Variants in PLOD2 observed in about 807,000 individuals in gnomAD.
PLOD2 encodes the protein lysine hydroxylase 2.
In PLOD2, 65 loss-of-function variants were observed where a neutral mutation model predicts 101.0. The ratio of observed to expected loss-of-function variants is 0.64; its 90% CI spans 0.53 to 0.79. The LOEUF (loss-of-function observed/expected upper bound fraction) is 0.79. Ranked by LOEUF, PLOD2 falls within the 30% of genes least tolerant of loss-of-function variation. The pLI, the probability that PLOD2 is intolerant of heterozygous loss-of-function variation, is 0.00. For missense variants in PLOD2, 909 were observed against 914.6 expected (o/e 0.99, Z 0.08); for synonymous variants, 314 against 302.9 (o/e 1.04, Z -0.38).
intron 12 of PLOD2, among the ~76,000 whole-genome samples, chr3:146,080,515 C>A (rs1423964762): frequency 6.6e-6 from 1 of 151,132 alleles, no homozygotes; most frequent in Non-Finnish European, 1.5e-5. Flanking sequence ...AACTTATACA[C>A]ACACACATAC....
intron 4 of PLOD2, among the ~76,000 whole-genome samples, chr3:146,107,418 G>T (rs1381398513): frequency 6.6e-6 from 1 of 152,128 alleles, no homozygotes; most frequent in South Asian, 2.1e-4. Context: ...ATGTTTCATT[G>T]ACATTCAATA....
rs1228044258 is a variant in PLOD2 at position 146,081,860 on chromosome 3, C to T, written c.1236G>A (p.Lys412=). Residue 412 remains lysine, a synonymous_variant, in exon 12 of 20, where the codon AAG becomes AAA. Transcript: ENST00000282903. ...TLKILIEQNR[K]IIAPLVTRHG... is the part of the protein sequence containing the mutation. ...GACGAGTTACAAGAGGAGCAATGATCTTTCTAAAGACAGAGAGAGTGTGTG... is the reference window on the plus strand; with the variant it reads ...GACGAGTTACAAGAGGAGCAATGATTTTTCTAAAGACAGAGAGAGTGTGTG... 1 of 1,612,244 alleles carries T rather than the reference C, an allele frequency of 6.2e-7. No homozygotes were observed. Among genetic ancestry groups the T allele is most frequent in the African/African-American group, 1.3e-5 (1 of 74,990 alleles).
intron 1 of PLOD2, among the ~76,000 whole-genome samples, chr3:146,159,301 G>C (rs1319989507): frequency 6.6e-6 from 1 of 152,168 alleles, no homozygotes; most frequent in Non-Finnish European, 1.5e-5. Flanking sequence ...TCCATTAAAA[G>C]TTTACTGTCC....
intron 3 of PLOD2, among the ~76,000 whole-genome samples, chr3:146,118,323 T>C (rs1051904047): frequency 5.3e-5 from 8 of 152,302 alleles, no homozygotes; most frequent in African/African-American, 1.7e-4. Flanking sequence ...TAATATTTTG[T>C]GTAAAATATA....
In PLOD2 at chr3:146,070,806, T is replaced by TG; in HGVS notation, c.2187dup (p.Met730HisfsTer11). 6.2e-7 allele frequency: 1 copy of TG among 1,610,372 alleles called. No individual in the cohort carries two copies. Among genetic ancestry groups the TG allele is most frequent in the Non-Finnish European group, 8.5e-7 (1 of 1,177,322 alleles). On this transcript the variant is annotated frameshift_variant, in exon 20 of 20. Coordinates refer to ENST00000282903, the MANE Select transcript of PLOD2 (RefSeq NM_182943.3). LOFTEE classifies it high-confidence loss of function. ...AAATGTGTGAGTCTCCCAGGATGCA[T>TG]GAAGCTCCAGCCTTTTCGTGGTGAC...
At chr3:146,106,697 G>T in intron 4 of PLOD2, 53 bp from the exon 5 acceptor site, 1 of 867,492 alleles carries the variant, frequency 1.2e-6, no homozygotes, top group Non-Finnish European at 2.0e-6. Flanking sequence ...GACCAAAACT[G>T]GTGTCATGTT....
At chr3:146,124,267 G>A in intron 1 of PLOD2, 38 bp from the exon 2 acceptor site, 1 of 1,102,768 alleles carries the variant, frequency 9.1e-7, no homozygotes, top group Non-Finnish European at 1.4e-6. Context: ...GGTTTACCAA[G>A]ATATCAAATG....
intron 5 of PLOD2, among the ~76,000 whole-genome samples, chr3:146,104,635 A>G (rs562650047): frequency 1.8e-4 from 28 of 152,302 alleles, no homozygotes; most frequent in African/African-American, 5.8e-4. Context: ...AATTTATTAA[A>G]TATCAACTTA....
At chr3:146,084,494 T>G (rs982110120) in intron 11 of PLOD2, among the ~76,000 whole-genome samples, 1 of 152,150 alleles carries the variant, frequency 6.6e-6, no homozygotes, top group African/African-American at 2.4e-5. Flanking sequence ...ATTCTATTTA[T>G]TATGAGAAAT....
intron 12 of PLOD2, 149 bp from the exon 13 acceptor site, chr3:146,079,406 A>G: frequency 1.6e-6 from 1 of 643,080 alleles, no homozygotes; most frequent in Non-Finnish European, 2.7e-6. Context: ...TGATATATAT[A>G]TAAGATTACA....
intron 8 of PLOD2, 129 bp downstream of exon 8, chr3:146,091,671 C>A (rs892032387): frequency 2.5e-5 from 16 of 651,960 alleles, no homozygotes; most frequent in Admixed American, 6.7e-5. Flanking sequence ...CATGTTTTAA[C>A]ACTATATCCC....
In PLOD2 at chr3:146,096,880, T is replaced by G. The variant is rs76612526; in HGVS notation, c.778-4979A>C. 2.9e-3 allele frequency among the ~76,000 whole-genome samples: 183 copies of G among 63,506 alleles called. 2 individuals carry two copies. The highest frequency in any genetic ancestry group is 0.025 in the Middle Eastern group (1 of 40). The allele number at this position is 63,506 out of a possible 152,430, so 41.7% of individuals were successfully genotyped here. A position where few individuals can be genotyped will look rare whatever the true frequency, so the allele number is the denominator to read the frequency against. ...CCAGCTGCCCCGTCCGGGAGGGAGG[T>G]GGGGGGGGGGAGTCGGCCAGCCGCC... On this transcript the variant is annotated intron_variant, in intron 7 of 19. Transcript: ENST00000282903.
rs1471102165 is a variant in PLOD2, at chr3:146,088,495, C to A, written c.1005+91G>T. 9 of 918,066 alleles carry A rather than the reference C, an allele frequency of 9.8e-6. 1 individual carries two copies. Among genetic ancestry groups the A allele is most frequent in the South Asian group, 7.4e-5 (5 of 67,400 alleles). The allele number at this position is 918,066 out of a possible 1,614,324, so 56.9% of individuals were successfully genotyped here. On this transcript the variant is annotated intron_variant, in intron 9 of 19. Coordinates refer to ENST00000282903, the MANE Select transcript of PLOD2 (RefSeq NM_182943.3). ...CCAAAAATCCTCCACTGAACTTAAC[C>A]CAATGAATTTTATTTGACATAAATA...
At chr3:146,100,234 C>T (rs1196339196) in intron 7 of PLOD2, among the ~76,000 whole-genome samples, 1 of 152,130 alleles carries the variant, frequency 6.6e-6, no homozygotes, top group Non-Finnish European at 1.5e-5. Context: ...ATCTGCCTTA[C>T]TACTCCCAAG....
At chr3:146,152,222 C>G (rs149350614) in intron 1 of PLOD2, among the ~76,000 whole-genome samples, 1,691 of 152,114 alleles carry the variant, frequency 0.011, 36 homozygotes, top group African/African-American at 0.039. Context: ...AGTTTAAGAC[C>G]AGCCTGACCA....
At chr3:146,127,472 C>T (rs2108103708) in intron 1 of PLOD2, among the ~76,000 whole-genome samples, 1 of 152,118 alleles carries the variant, frequency 6.6e-6, no homozygotes, top group East Asian at 1.9e-4. Context: ...TGGCCTCCAG[C>T]TCCATTCATC....
At chr3:146,115,509 G>A (rs1048937470) in intron 3 of PLOD2, among the ~76,000 whole-genome samples, 1 of 151,862 alleles carries the variant, frequency 6.6e-6, no homozygotes, top group Non-Finnish European at 1.5e-5. Flanking sequence ...CTCTTTCCAT[G>A]GCCTATCTCA....
chr3:146,118,109 C>G (rs1294145938), intron 3 of PLOD2, among the ~76,000 whole-genome samples: 3 of 152,036 alleles, frequency 2.0e-5, no homozygotes, highest in African/African-American at 7.2e-5. Flanking sequence ...TTTAAGCTGA[C>G]TAATATGGTT....
In PLOD2 at chr3:146,093,110, A is replaced by G. The variant is rs117360032; in HGVS notation, c.778-1209T>C. ...TTCTTAAAGTCCTAAAGGGGATGTT[A>G]AAGTGTGGAATACATGAAGTAGTTG... On this transcript the variant is annotated intron_variant, in intron 7 of 19. Transcript: ENST00000282903. Among the ~76,000 whole-genome samples the G allele has an allele frequency of 1.2e-4, 19 of 152,314 alleles. No homozygotes were observed. In the East Asian group the frequency reaches 3.7e-3, roughly 29 times the overall value.
Sources: gnomAD v4.1 joint callset for allele counts (sites outside exome capture counted in the v4.1 genomes callset) on GRCh38, gnomAD v4.1.1 for gene constraint, MANE v1.5 for transcripts, NCBI Gene and HGNC (gene_info 2026-07-23, HGNC 2026-07-21) for gene names.